The following THSD4 variants were observed in gnomAD, a reference collection of about 807,000 sequenced individuals.
The protein encoded by THSD4 is thrombospondin type 1 domain containing 4.
Under a neutral mutation model 119.0 loss-of-function variants are expected in THSD4, and 69 were observed. The observed-to-expected ratio is 0.58, with a 90% CI of 0.48 to 0.71. THSD4 has a LOEUF of 0.71. Among genes scored for constraint, THSD4 ranks in the 30% least tolerant of loss-of-function variants. The pLI is 0.00. For missense variants in THSD4, 1,393 were observed against 1,391.1 expected, an observed-to-expected ratio of 1.00 and a Z score of -0.02; for synonymous variants, 524 against 540.4, an observed-to-expected ratio of 0.97 and a Z score of 0.42.
intron 6 of THSD4, among the ~76,000 whole-genome samples, chr15:71,407,671 A>G (rs4420483): frequency 0.98 from 149,423 of 151,958 alleles, 73,519 homozygotes; most frequent in East Asian, 1. Context: ...AATTTAGAGT[A>G]CCTATATTTG....
chr15:71,146,665 G>C (rs931101314), intron 2 of THSD4, among the ~76,000 whole-genome samples: 1 of 152,136 alleles, frequency 6.6e-6, no homozygotes, highest in Non-Finnish European at 1.5e-5. Context: ...AGTACATCTG[G>C]GGGGTGCAGA....
intron 7 of THSD4, among the ~76,000 whole-genome samples, chr15:71,468,451 A>G (rs2047530186): frequency 6.6e-6 from 1 of 152,228 alleles, no homozygotes; most frequent in African/African-American, 2.4e-5. Flanking sequence ...ATATTTTTGG[A>G]TAGCATGTCC....
At chr15:71,602,022 A>T (rs951313023) in intron 7 of THSD4, among the ~76,000 whole-genome samples, 1 of 152,122 alleles carries the variant, frequency 6.6e-6, no homozygotes, top group Non-Finnish European at 1.5e-5. Context: ...ATGATGTAGG[A>T]GGTGGGATTT....
At chr15:71,270,998 AC>A (rs1365919025) in intron 6 of THSD4, among the ~76,000 whole-genome samples, 2 of 152,096 alleles carry the variant, frequency 1.3e-5, no homozygotes, top group African/African-American at 4.8e-5. Context: ...ATATCTCTGA[AC>A]CTGTGCTATC....
chr15:71,129,854 C>T (rs1403281729), intron 1 of THSD4, among the ~76,000 whole-genome samples: 1 of 152,214 alleles, frequency 6.6e-6, no homozygotes, highest in Non-Finnish European at 1.5e-5. Context: ...GCGCAAGCCT[C>T]AGGAGCAGGG....
At chr15:71,596,077 A>C (rs114270050) in intron 7 of THSD4, among the ~76,000 whole-genome samples, 2,105 of 152,294 alleles carry the variant, frequency 0.014, 53 homozygotes, top group African/African-American at 0.049. Context: ...TAAAATCACA[A>C]CCAGAATGTC....
intron 1 of THSD4, among the ~76,000 whole-genome samples, chr15:71,098,206 TTTTTTTTG>T (rs1250727609): frequency 6.9e-6 from 1 of 145,812 alleles, no homozygotes; most frequent in African/African-American, 2.6e-5. Flanking sequence ...TTTTTTTTTT[TTTTTTTTG>T]GGGGGAGAGA....
At chr15:71,728,746 C>T in intron 9 of THSD4, 22 bp downstream of exon 9, 1 of 1,613,002 alleles carries the variant, frequency 6.2e-7, no homozygotes, top group South Asian at 1.1e-5. Context: ...TGTTTCTGGA[C>T]TGTTCTTTGG....
chr15:71,710,610 G>A (rs773627339), intron 8 of THSD4, among the ~76,000 whole-genome samples: 2 of 152,216 alleles, frequency 1.3e-5, no homozygotes, highest in African/African-American at 2.4e-5. Flanking sequence ...TGGCTCATAC[G>A]GTATCTTCAA....
chr15:71,724,807 G>T (rs899847310), intron 8 of THSD4, among the ~76,000 whole-genome samples: 86 of 151,934 alleles, frequency 5.7e-4, no homozygotes, highest in Non-Finnish European at 1.2e-4. Context: ...TTGATGACGG[G>T]TTAGATTTGG....
intron 8 of THSD4, among the ~76,000 whole-genome samples, chr15:71,699,051 A>AGTATGC: frequency 6.6e-6 from 1 of 152,166 alleles, no homozygotes; most frequent in Non-Finnish European, 1.5e-5. Context: ...AAATGTGTTA[A>AGTATGC]AAGAGTAGAC....
intron 8 of THSD4, among the ~76,000 whole-genome samples, chr15:71,723,565 T>A (rs142836984): frequency 6.6e-6 from 1 of 152,246 alleles, no homozygotes; most frequent in Admixed American, 6.5e-5. Flanking sequence ...ACTCTCAAAC[T>A]GTAATGGAGA....
At chr15:71,277,063 C>T (rs762566474) in intron 6 of THSD4, among the ~76,000 whole-genome samples, 4 of 150,882 alleles carry the variant, frequency 2.7e-5, no homozygotes, top group East Asian at 1.9e-4. Context: ...CATCTGAGGC[C>T]GTATCCACTG....
At chr15:71,285,623 A>AGGCG (rs2044705667) in intron 6 of THSD4, among the ~76,000 whole-genome samples, 3 of 152,154 alleles carry the variant, frequency 2.0e-5, no homozygotes, top group African/African-American at 7.2e-5. Context: ...TGGGAGGCCA[A>AGGCG]GGTGGGTGGA....
At chr15:71,394,771 T>C (rs1265426126) in intron 6 of THSD4, among the ~76,000 whole-genome samples, 1 of 152,242 alleles carries the variant, frequency 6.6e-6, no homozygotes, top group East Asian at 1.9e-4. Flanking sequence ...GTATATGCCC[T>C]GGGAGACTTT....
intron 8 of THSD4, among the ~76,000 whole-genome samples, chr15:71,727,577 T>TACACACAC (rs2052880046): frequency 5.5e-5 from 2 of 36,090 alleles, no homozygotes; most frequent in Admixed American, 4.2e-4. Context: ...TATATATATA[T>TACACACAC]ATATATATAT....
intron 7 of THSD4, among the ~76,000 whole-genome samples, chr15:71,571,639 T>C (rs2049360623): frequency 6.6e-6 from 1 of 152,112 alleles, no homozygotes; most frequent in South Asian, 2.1e-4. Context: ...GACAGGATTC[T>C]CCTCTGAGCC....
At chr15:71,768,326 A>G (rs925895034) in intron 16 of THSD4, among the ~76,000 whole-genome samples, 2 of 151,892 alleles carry the variant, frequency 1.3e-5, no homozygotes, top group African/African-American at 4.8e-5. Flanking sequence ...CCAACTTCCA[A>G]TGTTCAGGAG....
chr15:71,182,877 A>G (rs1286071423), intron 3 of THSD4, among the ~76,000 whole-genome samples: 1 of 151,800 alleles, frequency 6.6e-6, no homozygotes, highest in Non-Finnish European at 1.5e-5. Context: ...ACAGAGCAGA[A>G]GTCAATGTCC....
Sources: allele counts gnomAD v4.1 joint callset (sites outside exome capture counted in the v4.1 genomes callset), GRCh38; gene constraint gnomAD v4.1.1; transcripts MANE v1.5; gene names NCBI Gene and HGNC (gene_info 2026-07-23, HGNC 2026-07-21).